CLMN: variants seen among roughly 807,000 people sequenced by gnomAD.
The protein encoded by CLMN is calmin, also known as calmin (calponin-like, transmembrane).
In CLMN, 57 loss-of-function variants were observed where a neutral mutation model predicts 92.7. The ratio of observed to expected loss-of-function variants is 0.61; its 90% CI spans 0.50 to 0.77. CLMN has a LOEUF of 0.77. CLMN is among the 30% of genes least tolerant of loss of function. The probability of loss-of-function intolerance (pLI) is 0.00; values close to 1 mark genes in which losing one functional copy is unlikely to be tolerated. For missense variants in CLMN, 1,158 were observed against 1,237.5 expected, an observed-to-expected ratio of 0.94 and a Z score of 0.96; for synonymous variants, 466 against 470.6, an observed-to-expected ratio of 0.99 and a Z score of 0.13.
chr14:95,197,364 AGAAG>A (rs146550316), intron 9 of CLMN, among the ~76,000 whole-genome samples: 2,294 of 151,782 alleles, frequency 0.015, 67 homozygotes, highest in African/African-American at 0.052. Flanking sequence ...AAAGAAGGAG[AGAAG>A]GAAGGAAGGA....
chr14:95,319,832 C>CGGCGGGCGCGGAGAGCCTGGCT lies in CLMN; in HGVS notation c.-62_-41dup, dbSNP rs764080506. The CGGCGGGCGCGGAGAGCCTGGCT allele has an allele frequency of 0.011, 14,123 of 1,244,494 alleles. 347 individuals are homozygous for CGGCGGGCGCGGAGAGCCTGGCT. Among genetic ancestry groups the CGGCGGGCGCGGAGAGCCTGGCT allele is most frequent in the Non-Finnish European group, 0.013 (13,183 of 982,264 alleles). The allele number at this position is 1,244,494 out of a possible 1,614,324, so 77.1% of individuals were successfully genotyped here. ...AGAGCCCGGGCCAGCGCGGCGCGGG[C>CGGCGGGCGCGGAGAGCCTGGCT]GGCGGGCGCGGAGAGCCTGGCTGGC... On this transcript the variant is annotated 5_prime_UTR_variant, in exon 1 of 13. Coordinates refer to ENST00000298912, the MANE Select transcript of CLMN (RefSeq NM_024734.4).
At chr14:95,215,594 C>A (rs755222058) in intron 5 of CLMN, 47 bp downstream of exon 5, 5 of 1,517,790 alleles carry the variant, frequency 3.3e-6, no homozygotes, top group Non-Finnish European at 4.6e-6. Flanking sequence ...GGCTGCTCAG[C>A]AGACACAAGA....
In CLMN at chr14:95,208,105, T is replaced by C. The variant is rs964689211; in HGVS notation, c.885+1290A>G. On this transcript the variant is annotated intron_variant, in intron 8 of 12. Transcript: ENST00000298912. ...CAGCCAGCTAGAAAAGCAGCTCCCC[T>C]CTCCTGCAAGCATCCTTTAACTCTT... is the stretch of plus-strand genomic sequence containing the variant. Among the ~76,000 whole-genome samples, 34 of 151,936 alleles carry C rather than the reference T, an allele frequency of 2.2e-4. 1 individual carries two copies. Among genetic ancestry groups the C allele is most frequent in the Non-Finnish European group, 1.5e-5 (1 of 68,004 alleles).
rs113705911 is a variant in CLMN, at chr14:95,273,954, G to A, written c.83-43821C>T. ...CAGCCTGCACTTGGAAACTCACAAC[G>A]CTGGGTCACGCTCAACTCAGCTGTC... On this transcript the variant is annotated intron_variant, in intron 1 of 12. Transcript: ENST00000298912. 8.1e-3 allele frequency among the ~76,000 whole-genome samples: 1,238 copies of A among 152,252 alleles called. 32 individuals carry two copies. The highest frequency in any genetic ancestry group is 0.027 in the African/African-American group (1,134 of 41,534).
At chr14:95,281,727 CT>C (rs1200239846) in intron 1 of CLMN, among the ~76,000 whole-genome samples, 3 of 152,210 alleles carry the variant, frequency 2.0e-5, no homozygotes, top group African/African-American at 7.2e-5. Flanking sequence ...GGTAATATTA[CT>C]TATTTTGCTT....
In CLMN at chr14:95,188,536, T is replaced by TA. The variant is rs1453552733; in HGVS notation, c.*3027dup. 6.6e-6 allele frequency: 1 copy of TA among 152,144 alleles called. No homozygotes were observed. Among genetic ancestry groups the TA allele is most frequent in the African/African-American group, 2.4e-5 (1 of 41,416 alleles). 9.4% of individuals were successfully genotyped at this position (152,144 alleles called of 1,614,324 possible). ...GAAAAATAGAAAAGATAAAAAATAT[T>TA]AGAGCATCAGCCTGGGTGTAGGGGA... On this transcript the variant is annotated 3_prime_UTR_variant, in exon 13 of 13. Coordinates refer to ENST00000298912, the MANE Select transcript of CLMN (RefSeq NM_024734.4).
chr14:95,233,471 C>G (rs1417659785), intron 1 of CLMN, among the ~76,000 whole-genome samples: 1 of 152,206 alleles, frequency 6.6e-6, no homozygotes, highest in East Asian at 1.9e-4. Flanking sequence ...ATCCAATCAT[C>G]TGTTCATCCT....
chr14:95,307,671 A>G (rs1901343526), intron 1 of CLMN: 1 of 152,246 alleles, frequency 6.6e-6, no homozygotes, highest in Admixed American at 6.5e-5. Context: ...ATCGGGAGGT[A>G]ACACGTTTGG....
intron 1 of CLMN, among the ~76,000 whole-genome samples, chr14:95,314,735 C>T (rs74376384): frequency 0.047 from 7,109 of 152,268 alleles, 785 homozygotes; most frequent in East Asian, 0.45. Context: ...AGGGATGGAG[C>T]TGGCACTAGA....
At chr14:95,242,416 G>A (rs1230576794) in intron 1 of CLMN, among the ~76,000 whole-genome samples, 1 of 151,564 alleles carries the variant, frequency 6.6e-6, no homozygotes, top group Non-Finnish European at 1.5e-5. Flanking sequence ...GCACCGCCAT[G>A]CCTGGCTAAT....
At chr14:95,269,010 GC>G (rs1899600796) in intron 1 of CLMN, among the ~76,000 whole-genome samples, 1 of 151,506 alleles carries the variant, frequency 6.6e-6, no homozygotes, top group African/African-American at 2.4e-5. Flanking sequence ...CACCATATTA[GC>G]CAGGCTGGTC....
chr14:95,194,820 A>G lies in CLMN; in HGVS notation c.2709-224T>C, dbSNP rs1182537221. ...TGATACACACATTGGGCCCTCATCT[A>G]CAAGAAAAATCAAAGTCAGGATTTT... is the stretch of plus-strand genomic sequence containing the variant. On this transcript the variant is annotated intron_variant, in intron 10 of 12. Coordinates refer to ENST00000298912, the MANE Select transcript of CLMN (RefSeq NM_024734.4). The surrounding 1 kb of genome is among the most constrained non-coding windows in gnomAD (Gnocchi z 4.0). Among the ~76,000 whole-genome samples the G allele has an allele frequency of 6.6e-6, 1 of 152,264 alleles. No individual in the cohort carries two copies. The highest frequency in any genetic ancestry group is 1.5e-5 in the Non-Finnish European group (1 of 68,054).
At chr14:95,260,230 A>C (rs373654245) in intron 1 of CLMN, among the ~76,000 whole-genome samples, 3 of 152,310 alleles carry the variant, frequency 2.0e-5, no homozygotes, top group East Asian at 3.9e-4. Context: ...TCACGAGGTC[A>C]GGAGATCGAG....
At chr14:95,195,614 G>A (rs1417996414) in intron 10 of CLMN, among the ~76,000 whole-genome samples, 3 of 152,252 alleles carry the variant, frequency 2.0e-5, no homozygotes, top group Non-Finnish European at 4.4e-5. Flanking sequence ...AATGTGGAAT[G>A]TGGAGTGGGA....
rs1407433263 is a variant in CLMN, at chr14:95,237,154, T to C, written c.83-7021A>G. On this transcript the variant is annotated intron_variant, in intron 1 of 12. Coordinates refer to ENST00000298912, the MANE Select transcript of CLMN (RefSeq NM_024734.4). ...CCTCCTGGGGCTGTTGAAGAGACAA[T>C]GAAGCCTGTGCACGCCAGGTGCAAA... is the stretch of plus-strand genomic sequence containing the variant. Among the ~76,000 whole-genome samples, 4 of 152,342 alleles carry C rather than the reference T, an allele frequency of 2.6e-5. No homozygotes were observed. The South Asian group carries it at 6.2e-4, about 24-fold the overall frequency.
At chr14:95,267,561 G>T (rs920817120) in intron 1 of CLMN, among the ~76,000 whole-genome samples, 2 of 152,160 alleles carry the variant, frequency 1.3e-5, no homozygotes, top group African/African-American at 4.8e-5. Context: ...GTGGAGAAAG[G>T]GGAGCCCTCA....
chr14:95,290,225 C>T (rs1267380843), intron 1 of CLMN, among the ~76,000 whole-genome samples: 2 of 152,200 alleles, frequency 1.3e-5, no homozygotes, highest in African/African-American at 4.8e-5. Flanking sequence ...TGGGTCCGCC[C>T]CGCCCACTCT....
At chr14:95,312,411 G>A (rs368879185) in intron 1 of CLMN, among the ~76,000 whole-genome samples, 1 of 152,120 alleles carries the variant, frequency 6.6e-6, no homozygotes. Flanking sequence ...AAGAAGGCTG[G>A]GCTGCCACAC....
chr14:95,244,121 T>C (rs997450794), intron 1 of CLMN, among the ~76,000 whole-genome samples: 14 of 152,320 alleles, frequency 9.2e-5, no homozygotes, highest in Admixed American at 7.8e-4. Flanking sequence ...TCCCCAGCCA[T>C]GCTTCCTATA....
Sources: allele counts gnomAD v4.1 joint callset (sites outside exome capture counted in the v4.1 genomes callset), GRCh38; gene constraint gnomAD v4.1.1; non-coding constraint Gnocchi (gnomAD v3.1); transcripts MANE v1.5; gene names NCBI Gene and HGNC (gene_info 2026-07-23, HGNC 2026-07-21).